GHR: variants seen among roughly 807,000 people sequenced by gnomAD.
GHR encodes growth hormone receptor.
A neutral mutation model predicts 67.1 loss-of-function variants in GHR; 35 were observed. The ratio of observed to expected loss-of-function variants is 0.52; its 90% confidence interval spans 0.40 to 0.69. The LOEUF (loss-of-function observed/expected upper bound fraction) is 0.69, where lower values mean the gene tolerates loss of function less well. Among genes scored for constraint, GHR ranks in the 30% least tolerant of loss-of-function variants. GHR has a pLI of 0.00. For synonymous variants in GHR, 272 were observed against 269.1 expected (o/e 1.01, Z -0.10); for missense variants, 792 against 764.6 (o/e 1.04, Z -0.42).
chr5:42,701,171 T>A (rs1455499397), intron 6 of GHR, among the ~76,000 whole-genome samples: 1 of 152,138 alleles, frequency 6.6e-6, no homozygotes, highest in Non-Finnish European at 1.5e-5. Context: ...TTAACTATGT[T>A]GAAATTTAAC....
At chr5:42,563,768 A>T (rs1240884054) in intron 1 of GHR, among the ~76,000 whole-genome samples, 1 of 152,138 alleles carries the variant, frequency 6.6e-6, no homozygotes, top group Non-Finnish European at 1.5e-5. Context: ...AGATCGTGCC[A>T]CTGCACTCCA....
chr5:42,582,731 G>A (rs916848324), intron 2 of GHR, among the ~76,000 whole-genome samples: 2 of 152,218 alleles, frequency 1.3e-5, no homozygotes, highest in Admixed American at 6.5e-5. Flanking sequence ...GGGGCTCTGC[G>A]GTTTCTGTCA....
At chr5:42,548,922 G>A (rs1274925825) in intron 1 of GHR, among the ~76,000 whole-genome samples, 1 of 152,222 alleles carries the variant, frequency 6.6e-6, no homozygotes, top group African/African-American at 2.4e-5. Context: ...TACATTTTGA[G>A]AAAGTCAACA....
chr5:42,444,499 A>C (rs1212622302), intron 1 of GHR, among the ~76,000 whole-genome samples: 140 of 152,274 alleles, frequency 9.2e-4, no homozygotes, highest in Non-Finnish European at 1.3e-4. Flanking sequence ...TCTGCTTTTA[A>C]TTCCATCTCA....
At chr5:42,547,377 A>G (rs1748784303) in intron 1 of GHR, among the ~76,000 whole-genome samples, 3 of 152,212 alleles carry the variant, frequency 2.0e-5, no homozygotes. Context: ...TTGTGTGTAC[A>G]GCAACTCACT....
rs924287403 is a variant in GHR at position 42,504,757 on chromosome 5, C to CAAAAT, written c.-11-61087_-11-61083dup. 2.5e-4 allele frequency among the ~76,000 whole-genome samples: 38 copies of CAAAAT among 152,036 alleles called. 1 individual carries two copies. The highest frequency in any genetic ancestry group is 7.2e-4 in the African/African-American group (30 of 41,442). On this transcript the variant is annotated intron_variant, in intron 1 of 9. Transcript: ENST00000230882. ...CTGAGAACGGAGCGAGATTCCGTCTCAAAATAAAATAAAATAAAATAAAAG... is the reference window on the plus strand; with the variant it reads ...CTGAGAACGGAGCGAGATTCCGTCTCAAAATAAAATAAAATAAAATAAAATAAAAG...
At chr5:42,585,349 A>G (rs998904330) in intron 2 of GHR, among the ~76,000 whole-genome samples, 3 of 152,238 alleles carry the variant, frequency 2.0e-5, no homozygotes, top group African/African-American at 7.2e-5. Context: ...AGGACCCTAG[A>G]TTAAGCCTTT....
chr5:42,711,447 G>A (rs1758456872), intron 7 of GHR, 75 bp downstream of exon 7: 3 of 999,764 alleles, frequency 3.0e-6, no homozygotes, highest in Admixed American at 3.4e-5. Context: ...CCCCTGCACT[G>A]GTAGTGTGTT....
chr5:42,575,065 A>T (rs1160649217), intron 2 of GHR, among the ~76,000 whole-genome samples: 1 of 152,080 alleles, frequency 6.6e-6, no homozygotes, highest in African/African-American at 2.4e-5. Flanking sequence ...CCTATTCTTG[A>T]CTATCACTTC....
At chr5:42,575,214 A>G (rs1750586731) in intron 2 of GHR, among the ~76,000 whole-genome samples, 1 of 152,082 alleles carries the variant, frequency 6.6e-6, no homozygotes, top group South Asian at 2.1e-4. Context: ...TCTCCACACC[A>G]CCCACATCTG....
At chr5:42,476,286 T>A (rs1186118697) in intron 1 of GHR, among the ~76,000 whole-genome samples, 1 of 150,596 alleles carries the variant, frequency 6.6e-6, no homozygotes, top group African/African-American at 2.5e-5. Context: ...AGTGGCACAA[T>A]CTCGGCTCAC....
chr5:42,537,779 G>A (rs909794441), intron 1 of GHR, among the ~76,000 whole-genome samples: 7 of 152,056 alleles, frequency 4.6e-5, no homozygotes, highest in Non-Finnish European at 8.8e-5. Context: ...CTATTATTGT[G>A]TTGCTGTTTC....
At chr5:42,581,410 C>T (rs57417192) in intron 2 of GHR, among the ~76,000 whole-genome samples, 11 of 152,304 alleles carry the variant, frequency 7.2e-5, no homozygotes, top group South Asian at 6.2e-4. Context: ...CTGTAGAAAT[C>T]TTAGTTACCT....
intron 3 of GHR, among the ~76,000 whole-genome samples, chr5:42,658,793 A>G (rs1429383389): frequency 6.6e-6 from 1 of 152,166 alleles, no homozygotes; most frequent in Non-Finnish European, 1.5e-5. Context: ...CCACAGCAAC[A>G]AATGATCTGA....
At chr5:42,565,765 G>A (rs542386921) in intron 1 of GHR, 99 bp from the exon 2 acceptor site, 30 of 1,604,504 alleles carry the variant, frequency 1.9e-5, no homozygotes, top group Middle Eastern at 1.7e-4. Context: ...GAACTGACTC[G>A]TCAGCTCATT....
At chr5:42,428,840 A>G (rs1459187113) in intron 1 of GHR, among the ~76,000 whole-genome samples, 1 of 152,154 alleles carries the variant, frequency 6.6e-6, no homozygotes, top group Non-Finnish European at 1.5e-5. Flanking sequence ...AAGCCATTCA[A>G]CAAGTCTCTA....
intron 1 of GHR, among the ~76,000 whole-genome samples, chr5:42,537,818 T>A (rs1040314755): frequency 2.6e-5 from 4 of 152,178 alleles, no homozygotes; most frequent in Non-Finnish European, 5.9e-5. Context: ...TTAGTAATTG[T>A]TTTATAAATT....
chr5:42,633,136 T>C (rs1754010996), intron 3 of GHR, among the ~76,000 whole-genome samples: 2 of 152,176 alleles, frequency 1.3e-5, no homozygotes, highest in Non-Finnish European at 2.9e-5. Flanking sequence ...GGGAGATTTT[T>C]CCCCTATTTT....
chr5:42,683,663 G>A (rs1414896356), intron 3 of GHR, among the ~76,000 whole-genome samples: 1 of 151,738 alleles, frequency 6.6e-6, no homozygotes, highest in Non-Finnish European at 1.5e-5. Flanking sequence ...AAAGAGAGAA[G>A]GAGGGTGCAG....
Sources: gnomAD v4.1 joint callset for allele counts (sites outside exome capture counted in the v4.1 genomes callset) on GRCh38, gnomAD v4.1.1 for gene constraint, MANE v1.5 for transcripts, NCBI Gene and HGNC (gene_info 2026-07-23, HGNC 2026-07-21) for gene names.